ZNF736: variants seen among roughly 807,000 people sequenced by gnomAD.
ZNF736 encodes zinc finger protein 736.
In ZNF736, 6 loss-of-function variants were observed where a neutral mutation model predicts 11.7. That is an observed-to-expected ratio of 0.51 (90% CI 0.28 to 1.01). ZNF736 has a LOEUF of 1.01. ZNF736 is among the 50% of genes least tolerant of loss of function. ZNF736 has a pLI of 0.09. For missense variants in ZNF736, 444 were observed against 496.0 expected (o/e 0.90, Z 1.00); for synonymous variants, 139 against 164.7 (o/e 0.84, Z 1.19).
chr7:64,345,540 C>T (rs1253021424), intron 3 of ZNF736, among the ~76,000 whole-genome samples: 1 of 151,262 alleles, frequency 6.6e-6, no homozygotes, highest in Non-Finnish European at 1.5e-5. Context: ...ACCATCCTGG[C>T]CAACATGGTG....
At chr7:64,337,755 G>GTTTTT (rs147991832) in intron 3 of ZNF736, among the ~76,000 whole-genome samples, 9 of 86,234 alleles carry the variant, frequency 1.0e-4, no homozygotes, top group East Asian at 4.2e-4. Context: ...TGTTTTTTTT[G>GTTTTT]GTTTTTTTTT....
chr7:64,329,293 G>C (rs1319075497), intron 1 of ZNF736, among the ~76,000 whole-genome samples: 4 of 152,062 alleles, frequency 2.6e-5, no homozygotes, highest in Admixed American at 2.6e-4. Flanking sequence ...TTCCTGAATA[G>C]TCTTAATTTT....
At chr7:64,325,472 TA>T (rs1789071173) in intron 1 of ZNF736, among the ~76,000 whole-genome samples, 1 of 152,176 alleles carries the variant, frequency 6.6e-6, no homozygotes, top group Admixed American at 6.5e-5. Context: ...ACTTCCTGAC[TA>T]AACCCTCTTT....
In ZNF736 at chr7:64,349,019, A is replaced by C; in HGVS notation, c.1156A>C (p.Asn386His). The part of the protein sequence containing the change: ...KTFKCFSDLT[N>H]HKRIHTGEKP... ...CTTTAAGTGCTTCTCAGACCTGACT[A>C]ATCATAAGAGAATTCACACTGGAGA... Residue 386 changes from asparagine (N) to histidine (H), a missense_variant, in exon 4 of 4, where the codon AAT becomes CAT. By Grantham distance (68) the Asn-to-His change is moderately conservative. Transcript: ENST00000423484. 6.2e-7 allele frequency: 1 copy of C among 1,601,846 alleles called. No individual in the cohort carries two copies. The highest frequency in any genetic ancestry group is 8.5e-7 in the Non-Finnish European group (1 of 1,173,660).
chr7:64,346,015 T>C (rs1350486012), intron 3 of ZNF736, among the ~76,000 whole-genome samples: 1 of 152,216 alleles, frequency 6.6e-6, no homozygotes, highest in Non-Finnish European at 1.5e-5. Context: ...TGTTCCCTCA[T>C]TGATATTCTG....
intron 3 of ZNF736, among the ~76,000 whole-genome samples, chr7:64,343,951 T>G (rs2115955433): frequency 9.4e-6 from 1 of 106,196 alleles, no homozygotes; most frequent in East Asian, 2.6e-4. Flanking sequence ...CTTGTATATT[T>G]GCTTTTTTTT....
chr7:64,330,536 G>A (rs891924004), intron 1 of ZNF736, among the ~76,000 whole-genome samples: 11 of 151,956 alleles, frequency 7.2e-5, no homozygotes, highest in Non-Finnish European at 1.0e-4. Context: ...AGAGACCTCA[G>A]GAGCTACCTT....
At chr7:64,342,562 G>A (rs1190932586) in intron 3 of ZNF736, among the ~76,000 whole-genome samples, 1 of 151,862 alleles carries the variant, frequency 6.6e-6, no homozygotes, top group Non-Finnish European at 1.5e-5. Context: ...ATTCCAAATT[G>A]TTACCTATTT....
chr7:64,320,321 G>C (rs1788986502), intron 1 of ZNF736, among the ~76,000 whole-genome samples: 1 of 152,130 alleles, frequency 6.6e-6, no homozygotes, highest in Non-Finnish European at 1.5e-5. Flanking sequence ...TTTAAGAAAT[G>C]GTTGGTAAAA....
At chr7:64,344,132 G>A (rs773742784) in intron 3 of ZNF736, among the ~76,000 whole-genome samples, 12 of 152,044 alleles carry the variant, frequency 7.9e-5, no homozygotes, top group South Asian at 4.2e-4. Flanking sequence ...GCAAAACCCC[G>A]TCTCTAGTAA....
chr7:64,325,549 G>C (rs1789072166), intron 1 of ZNF736, among the ~76,000 whole-genome samples: 1 of 152,158 alleles, frequency 6.6e-6, no homozygotes, highest in Admixed American at 6.5e-5. Flanking sequence ...CTGGAAATCA[G>C]ATGTCCATGA....
intron 1 of ZNF736, among the ~76,000 whole-genome samples, chr7:64,325,004 G>A (rs2115888196): frequency 6.6e-6 from 1 of 152,148 alleles, no homozygotes; most frequent in Non-Finnish European, 1.5e-5. Flanking sequence ...GCATTCTTTT[G>A]TCAGGTGTTG....
chr7:64,349,350 A>T lies in ZNF736; in HGVS notation c.*203A>T, dbSNP rs1188615238. The stretch of plus-strand genomic sequence containing the variant: ...CTATTATGTAATGCCCTTTTTTTTT[A>T]AATCTATGTTAATTTCAAGTCTGTT... On this transcript the variant is annotated 3_prime_UTR_variant, in exon 4 of 4. Coordinates refer to ENST00000423484, the MANE Select transcript of ZNF736 (RefSeq NM_001170905.3). 3.2e-5 allele frequency: 13 copies of T among 401,428 alleles called. No homozygotes were observed. Among genetic ancestry groups the T allele is most frequent in the Non-Finnish European group, 4.8e-5 (11 of 229,976 alleles). 24.9% of individuals were successfully genotyped at this position (401,428 alleles called of 1,614,324 possible). A position where few individuals can be genotyped will look rare whatever the true frequency, so the allele number is the denominator to read the frequency against.
At chr7:64,319,333 G>GTATATATATATA (rs71060585) in intron 1 of ZNF736, among the ~76,000 whole-genome samples, 3 of 71,636 alleles carry the variant, frequency 4.2e-5, no homozygotes, top group Non-Finnish European at 8.6e-5. Context: ...GTGTGTATGT[G>GTATATATATATA]TATATATATA....
rs1789546118 is a variant in ZNF736, at chr7:64,355,781, AAGG to A, written c.*6637_*6639del. On this transcript the variant is annotated 3_prime_UTR_variant, in exon 4 of 4. Transcript: ENST00000423484. ...CAAAACCAAACATATGTTATAACCC[AAGG>A]AGATTTTATTTCTGCCCTGCTTTCC... 1 of 161,646 alleles carries A rather than the reference AAGG, an allele frequency of 6.2e-6. No homozygotes were observed. The highest frequency in any genetic ancestry group is 1.4e-5 in the Non-Finnish European group (1 of 72,506). The allele number at this position is 161,646 out of a possible 1,614,324, so 10.0% of individuals were successfully genotyped here. A position where few individuals can be genotyped will look rare whatever the true frequency, so the allele number is the denominator to read the frequency against.
chr7:64,320,416 A>G (rs1788987470), intron 1 of ZNF736, among the ~76,000 whole-genome samples: 1 of 152,242 alleles, frequency 6.6e-6, no homozygotes, highest in South Asian at 2.1e-4. Context: ...AAATAATAAA[A>G]ACAAATACAT....
intron 1 of ZNF736, among the ~76,000 whole-genome samples, chr7:64,319,014 C>T (rs1788956138): frequency 6.6e-6 from 1 of 151,926 alleles, no homozygotes; most frequent in Admixed American, 6.6e-5. Context: ...TCTATAGTGA[C>T]AAAAGGTTTT....
At chr7:64,330,159 T>G (rs918998411) in intron 1 of ZNF736, among the ~76,000 whole-genome samples, 9 of 151,740 alleles carry the variant, frequency 5.9e-5, no homozygotes, top group East Asian at 5.9e-4. Context: ...AGTGGGGTTT[T>G]TTTTGTTTTG....
At chr7:64,336,111 A>G (rs1584272163) in intron 1 of ZNF736, 148 bp from the exon 2 acceptor site, 3 of 886,642 alleles carry the variant, frequency 3.4e-6, no homozygotes, top group Non-Finnish European at 5.1e-6. Flanking sequence ...AAAATACACT[A>G]GAGAATATTT....
Sources: allele counts gnomAD v4.1 joint callset (sites outside exome capture counted in the v4.1 genomes callset), GRCh38; gene constraint gnomAD v4.1.1; transcripts MANE v1.5; gene names NCBI Gene and HGNC (gene_info 2026-07-23, HGNC 2026-07-21).